SUPT3H: variants seen among roughly 807,000 people sequenced by gnomAD.
The protein encoded by SUPT3H is transcription initiation protein SPT3 homolog.
A neutral mutation model predicts 44.3 loss-of-function variants in SUPT3H; 44 were observed. The observed-to-expected ratio is 0.99, with a 90% CI of 0.78 to 1.28. SUPT3H has a LOEUF of 1.28. Ranked by LOEUF, SUPT3H falls within the 50% of genes most tolerant of loss-of-function variation. The pLI is 0.00. For missense variants in SUPT3H, 380 were observed against 387.1 expected (o/e 0.98, Z 0.15); for synonymous variants, 124 against 125.6 (o/e 0.99, Z 0.09).
chr6:44,839,607 T>C (rs917751161), intron 10 of SUPT3H, among the ~76,000 whole-genome samples: 3 of 152,186 alleles, frequency 2.0e-5, no homozygotes, highest in Non-Finnish European at 2.9e-5. Flanking sequence ...ACATAAGTTA[T>C]TATAATTAAA....
At chr6:44,877,488 T>A (rs1318455550) in intron 10 of SUPT3H, among the ~76,000 whole-genome samples, 3 of 128,726 alleles carry the variant, frequency 2.3e-5, no homozygotes, top group African/African-American at 2.8e-5. Context: ...AAAAAAAAAA[T>A]CCCAGTTTGT....
intron 2 of SUPT3H, among the ~76,000 whole-genome samples, chr6:45,119,126 T>C (rs1223225830): frequency 6.6e-5 from 10 of 152,082 alleles, no homozygotes. Flanking sequence ...AATGCTGAGG[T>C]TTCACAATGT....
Position 45,104,866 on chromosome 6 carries a change from T to C in SUPT3H, c.186+1056A>G, listed in dbSNP as rs546344151. Among the ~76,000 whole-genome samples, 13 of 152,108 alleles carry C rather than the reference T, an allele frequency of 8.5e-5. No homozygotes were observed. In the East Asian group the frequency reaches 2.3e-3, roughly 27 times the overall value. On this transcript the variant is annotated intron_variant, in intron 3 of 10. Transcript: ENST00000371459. The stretch of plus-strand genomic sequence containing the variant: ...GCTCTCCTTAACTTATAAAATCATG[T>C]AATCTCAATAAACATACCAATGAAA...
chr6:45,354,481 T>C (rs532805150), intron 2 of SUPT3H, among the ~76,000 whole-genome samples: 1 of 152,260 alleles, frequency 6.6e-6, no homozygotes, highest in East Asian at 1.9e-4. Flanking sequence ...ATCTTCTTTT[T>C]TGCTCATCTG....
intron 2 of SUPT3H, among the ~76,000 whole-genome samples, chr6:45,243,964 C>G (rs529873711): frequency 6.6e-6 from 1 of 152,278 alleles, no homozygotes; most frequent in East Asian, 1.9e-4. Flanking sequence ...TCACTGCAGC[C>G]TCAACATCTG....
intron 10 of SUPT3H, chr6:44,898,964 A>G (rs1306981646): frequency 6.6e-6 from 1 of 152,166 alleles, no homozygotes; most frequent in Non-Finnish European, 1.5e-5. Context: ...TCTATGAAAT[A>G]AGAAGACTTG....
At chr6:45,014,598 G>T (rs182896949) in intron 5 of SUPT3H, among the ~76,000 whole-genome samples, 5 of 152,120 alleles carry the variant, frequency 3.3e-5, no homozygotes, top group Non-Finnish European at 7.4e-5. Flanking sequence ...TAGAATCTAT[G>T]AGAAGTGTAG....
At chr6:44,931,595 C>T (rs890335092) in intron 10 of SUPT3H, among the ~76,000 whole-genome samples, 2 of 152,028 alleles carry the variant, frequency 1.3e-5, no homozygotes, top group Admixed American at 6.5e-5. Context: ...ATATTAAAAT[C>T]ATGTTCTTAT....
At chr6:45,280,811 T>C (rs1371065736) in intron 2 of SUPT3H, among the ~76,000 whole-genome samples, 1 of 148,486 alleles carries the variant, frequency 6.7e-6, no homozygotes, top group Non-Finnish European at 1.5e-5. Context: ...CCTTATCAAC[T>C]TTATTTCTCC....
intron 1 of SUPT3H, among the ~76,000 whole-genome samples, chr6:45,370,423 G>A (rs549134489): frequency 6.6e-6 from 1 of 152,188 alleles, no homozygotes; most frequent in Admixed American, 6.5e-5. Flanking sequence ...CCTATGTTAA[G>A]TTTGAGACAA....
At chr6:44,947,676 T>C (rs1486251516) in intron 9 of SUPT3H, among the ~76,000 whole-genome samples, 1 of 152,166 alleles carries the variant, frequency 6.6e-6, no homozygotes, top group Non-Finnish European at 1.5e-5. Context: ...ACTTACATTA[T>C]AATCAAATAA....
chr6:45,247,817 T>G (rs1163271268), intron 2 of SUPT3H, among the ~76,000 whole-genome samples: 2 of 152,162 alleles, frequency 1.3e-5, no homozygotes, highest in African/African-American at 4.8e-5. Flanking sequence ...AGACATTTTC[T>G]GACTTATTAC....
intron 3 of SUPT3H, among the ~76,000 whole-genome samples, chr6:45,041,978 C>T (rs781023249): frequency 1.4e-4 from 22 of 152,052 alleles, no homozygotes; most frequent in Admixed American, 1.0e-3. Context: ...GTGTGCAGCA[C>T]GTCTTCCAGA....
chr6:45,000,279 T>C (rs537162666), intron 6 of SUPT3H, among the ~76,000 whole-genome samples: 2 of 152,170 alleles, frequency 1.3e-5, no homozygotes, highest in East Asian at 1.9e-4. Flanking sequence ...TTTTCTTTTA[T>C]GTTAAGTATT....
intron 10 of SUPT3H, among the ~76,000 whole-genome samples, chr6:44,901,269 C>A (rs1485123707): frequency 1.3e-5 from 2 of 152,068 alleles, no homozygotes; most frequent in African/African-American, 4.8e-5. Context: ...AAATTAAAAA[C>A]CTTGAAAAAA....
At chr6:45,006,299 G>A (rs530661809) in intron 5 of SUPT3H, among the ~76,000 whole-genome samples, 14 of 151,936 alleles carry the variant, frequency 9.2e-5, no homozygotes, top group East Asian at 5.8e-4. Flanking sequence ...TGCAATGACC[G>A]ATATATTTCA....
At chr6:45,343,089 G>GAC (rs1790148827) in intron 2 of SUPT3H, among the ~76,000 whole-genome samples, 1 of 152,126 alleles carries the variant, frequency 6.6e-6, no homozygotes, top group Non-Finnish European at 1.5e-5. Context: ...ACACTGATCT[G>GAC]ACAAAAGCAT....
chr6:44,977,334 TA>T (rs1582862838), intron 6 of SUPT3H, among the ~76,000 whole-genome samples: 1 of 152,194 alleles, frequency 6.6e-6, no homozygotes, highest in Non-Finnish European at 1.5e-5. Context: ...GTTTTATGTA[TA>T]CTGCCTTATT....
rs188632748 is a variant in SUPT3H at position 44,986,601 on chromosome 6, C to T, written c.504+17052G>A. Among the ~76,000 whole-genome samples the T allele has an allele frequency of 1.3e-3, 202 of 152,186 alleles. 2 individuals are homozygous for T. The highest frequency in any genetic ancestry group is 4.6e-3 in the African/African-American group (189 of 41,520). ...AGAATGAATGTCAAAATCCTTTATC[C>T]TACCCAAAGGTTCACTGGTTCGCTC... On this transcript the variant is annotated intron_variant, in intron 6 of 10. Coordinates refer to ENST00000371459, the MANE Select transcript of SUPT3H (RefSeq NM_003599.4).
Sources: allele counts gnomAD v4.1 joint callset (sites outside exome capture counted in the v4.1 genomes callset), GRCh38; gene constraint gnomAD v4.1.1; transcripts MANE v1.5; gene names NCBI Gene and HGNC (gene_info 2026-07-23, HGNC 2026-07-21).